The following C3orf22 variants were observed in gnomAD, a reference collection of about 807,000 sequenced individuals.
The protein encoded by C3orf22 is uncharacterized protein C3orf22.
In C3orf22, 7 loss-of-function variants were observed where a neutral mutation model predicts 10.8. The observed-to-expected ratio is 0.65, with a 90% CI of 0.37 to 1.22. C3orf22 has a LOEUF of 1.22. Among genes scored for constraint, C3orf22 ranks in the 50% most tolerant of loss-of-function variants. The pLI, the probability that C3orf22 is intolerant of heterozygous loss-of-function variation, is 0.02. For missense variants in C3orf22, 173 were observed against 177.0 expected (o/e 0.98, Z 0.13); for synonymous variants, 79 against 78.9 (o/e 1.00, Z 0.00).
At chr3:126,542,453 C>T (rs1431270639) in intron 4 of C3orf22, 3 of 1,567,790 alleles carry the variant, frequency 1.9e-6, no homozygotes, top group Admixed American at 3.7e-5. Context: ...CGCCGCCTCC[C>T]GCGACCTGGC....
intron 4 of C3orf22, chr3:126,542,760 C>T (rs1936999599): frequency 1.1e-6 from 1 of 910,734 alleles, no homozygotes; most frequent in Non-Finnish European, 1.5e-6. Flanking sequence ...TCTCAGGTGG[C>T]CCTGCACGCG....
intron 5 of C3orf22, among the ~76,000 whole-genome samples, chr3:126,528,204 G>A (rs116617245): frequency 6.6e-6 from 1 of 152,052 alleles, no homozygotes; most frequent in African/African-American, 2.4e-5. Flanking sequence ...CTAAGTTGGG[G>A]CTCAGTCATG....
downstream of C3orf22, among the ~76,000 whole-genome samples, chr3:126,548,330 T>C (rs1937103112): frequency 6.6e-6 from 1 of 152,282 alleles, no homozygotes; most frequent in South Asian, 2.1e-4. Flanking sequence ...GAGAAAGATG[T>C]GGTGACCTGA....
chr3:126,548,195 A>G (rs1394564644), downstream of C3orf22, among the ~76,000 whole-genome samples: 1 of 152,174 alleles, frequency 6.6e-6, no homozygotes, highest in African/African-American at 2.4e-5. Flanking sequence ...GGGTTTCACC[A>G]TGTTGCCCAG....
At chr3:126,541,944 C>T (rs1936967075) in intron 4 of C3orf22, 1 of 1,585,446 alleles carries the variant, frequency 6.3e-7, no homozygotes, top group Non-Finnish European at 8.6e-7. Context: ...AGCGGCCAAG[C>T]CCGCGGCGAC....
intron 4 of C3orf22, among the ~76,000 whole-genome samples, chr3:126,530,924 C>G (rs931531164): frequency 6.6e-6 from 1 of 152,222 alleles, no homozygotes; most frequent in South Asian, 2.1e-4. Context: ...GTGGCCTGGG[C>G]GCAGAGGGGG....
chr3:126,546,420 GC>G (rs1260804612), downstream of C3orf22, among the ~76,000 whole-genome samples: 1 of 152,230 alleles, frequency 6.6e-6, no homozygotes, highest in Admixed American at 6.5e-5. Context: ...TTATGTGGAA[GC>G]CCTCACCCAC....
At chr3:126,542,325 G>T in intron 4 of C3orf22, 2 of 1,567,952 alleles carry the variant, frequency 1.3e-6, no homozygotes. Context: ...CACCCGTGTC[G>T]CCTCCGCTAC....
At chr3:126,547,597 G>A (rs1035523193), downstream of C3orf22, among the ~76,000 whole-genome samples, 1 of 152,194 alleles carries the variant, frequency 6.6e-6, no homozygotes, top group Non-Finnish European at 1.5e-5. Flanking sequence ...GGAAGAGCAG[G>A]CAGCCAGCGA....
downstream of C3orf22, chr3:126,549,684 G>T: frequency 6.6e-7 from 1 of 1,525,970 alleles, no homozygotes; most frequent in Non-Finnish European, 8.8e-7. Context: ...GATCATTCCA[G>T]CTGGAAGTGG....
intron 4 of C3orf22, among the ~76,000 whole-genome samples, chr3:126,536,916 C>A (rs561974585): frequency 6.6e-6 from 1 of 151,620 alleles, no homozygotes; most frequent in East Asian, 1.9e-4. Context: ...CACACACACA[C>A]ACACACACCC....
chr3:126,531,421 G>C (rs1936657627), intron 4 of C3orf22, among the ~76,000 whole-genome samples: 1 of 152,222 alleles, frequency 6.6e-6, no homozygotes, highest in Admixed American at 6.5e-5. Context: ...TTGGTTGAAG[G>C]CCAAGGATCA....
chr3:126,542,822 C>G, intron 4 of C3orf22: 1 of 437,582 alleles, frequency 2.3e-6, no homozygotes, highest in Non-Finnish European at 3.9e-6. Context: ...CTTGCTCCAG[C>G]TGACAGGCAC....
At chr3:126,541,071 G>T (rs144594475) in intron 4 of C3orf22, among the ~76,000 whole-genome samples, 1 of 152,308 alleles carries the variant, frequency 6.6e-6, no homozygotes, top group Non-Finnish European at 1.5e-5. Flanking sequence ...ACATGGCTGA[G>T]GCTGCGAGGG....
chr3:126,536,486 G>A, intron 4 of C3orf22: 1 of 646,948 alleles, frequency 1.5e-6, no homozygotes, highest in East Asian at 2.8e-5. Context: ...CCCCAAACCA[G>A]GCTTTGTCAG....
At chr3:126,545,542 C>T (rs1337490295), downstream of C3orf22, among the ~76,000 whole-genome samples, 1 of 152,232 alleles carries the variant, frequency 6.6e-6, no homozygotes, top group Non-Finnish European at 1.5e-5. Context: ...AAATAAATCC[C>T]TGGTTTCTCA....
intron 4 of C3orf22, chr3:126,542,486 A>G: frequency 6.3e-7 from 1 of 1,581,690 alleles, no homozygotes; most frequent in Non-Finnish European, 8.6e-7. Context: ...CCGGGACATC[A>G]GCCCCTTCTA....
At chr3:126,554,788 C>T (rs1313498192) in intron 1 of C3orf22, among the ~76,000 whole-genome samples, 1 of 152,182 alleles carries the variant, frequency 6.6e-6, no homozygotes. Flanking sequence ...CCAGGTGCCA[C>T]ATTTCGTCCC....
chr3:126,550,922 T>A (rs1937166800), intron 3 of C3orf22, among the ~76,000 whole-genome samples: 1 of 152,154 alleles, frequency 6.6e-6, no homozygotes, highest in African/African-American at 2.4e-5. Flanking sequence ...CCATTTTGCA[T>A]GGGTAGAATC....
Sources: gnomAD v4.1 joint callset for allele counts (sites outside exome capture counted in the v4.1 genomes callset) on GRCh38, gnomAD v4.1.1 for gene constraint, MANE v1.5 for transcripts, NCBI Gene and HGNC (gene_info 2026-07-23, HGNC 2026-07-21) for gene names.